The following RBCK1 variants were observed in gnomAD, a reference collection of about 807,000 sequenced individuals.
RBCK1 encodes RANBP2-type and C3HC4-type zinc finger containing 1, also known as ranBP-type and C3HC4-type zinc finger-containing protein 1.
Under a neutral mutation model 71.1 loss-of-function variants are expected in RBCK1, and 44 were observed. That is an observed-to-expected ratio of 0.62 (90% CI 0.49 to 0.80). The LOEUF (loss-of-function observed/expected upper bound fraction) is 0.80. RBCK1 is among the 30% of genes least tolerant of loss of function. The pLI, the probability that RBCK1 is intolerant of heterozygous loss-of-function variation, is 0.00. For synonymous variants in RBCK1, 306 were observed against 279.7 expected (o/e 1.09, Z -0.94); for missense variants, 569 against 685.0 (o/e 0.83, Z 1.89).
intron 8 of RBCK1, among the ~76,000 whole-genome samples, chr20:423,509 A>C (rs2016551011): frequency 1.3e-5 from 2 of 152,210 alleles, no homozygotes; most frequent in South Asian, 4.1e-4. Flanking sequence ...ATTCTTACAA[A>C]AAAAATTACA....
chr20:428,427 C>T lies in RBCK1; in HGVS notation c.1210-64C>T. The T allele has an allele frequency of 8.1e-7, 1 of 1,240,762 alleles. No homozygotes were observed. The highest frequency in any genetic ancestry group is 1.5e-5 in the African/African-American group (1 of 66,086). The allele number at this position is 1,240,762 out of a possible 1,614,324, so 76.9% of individuals were successfully genotyped here. A position where few individuals can be genotyped will look rare whatever the true frequency, so the allele number is the denominator to read the frequency against. On this transcript the variant is annotated intron_variant, in intron 9 of 11. Coordinates refer to ENST00000356286, the MANE Select transcript of RBCK1 (RefSeq NM_031229.4). This position sits in a 1 kb window ranked among gnomAD's most constrained non-coding sequence, Gnocchi z 5.7. ...CTTTGTGGACTCCTGCCCTGCACCT[C>T]ACCTCTCCCAGCTTCTTAACCCCCT... is the stretch of plus-strand genomic sequence containing the variant.
intron 9 of RBCK1, 85 bp downstream of exon 9, chr20:427,577 G>A (rs764307640): frequency 6.8e-7 from 1 of 1,464,430 alleles, no homozygotes; most frequent in Non-Finnish European, 9.4e-7. Context: ...CTCCTGGGAA[G>A]GGAGCTGTGA....
At position 431,378 on chromosome 20, in the gene RBCK1, CA is replaced by C. The variant is rs1319599952; in HGVS notation, c.*950del. Among the ~76,000 whole-genome samples, 1 of 152,142 alleles carries C rather than the reference CA, an allele frequency of 6.6e-6. No homozygotes were observed. The highest frequency in any genetic ancestry group is 2.4e-5 in the African/African-American group (1 of 41,430). ...GTCCATCCTATTTTCTCGTCTCAAG[CA>C]AGATGGCACAGTATCGATTCAGCAG... On this transcript the variant is annotated 3_prime_UTR_variant, in exon 12 of 12. Coordinates refer to ENST00000356286, the MANE Select transcript of RBCK1 (RefSeq NM_031229.4). This position sits in a 1 kb window ranked among gnomAD's most constrained non-coding sequence, Gnocchi z 4.8.
rs766618284 is a variant in RBCK1 at position 427,471 on chromosome 20, C to T, written c.1188C>T (p.His396=). 6.8e-6 allele frequency: 11 copies of T among 1,613,640 alleles called. No homozygotes were observed. Among genetic ancestry groups the T allele is most frequent in the African/African-American group, 1.3e-5 (1 of 75,036 alleles). The change falls in exon 9 of 12, where the codon CAC becomes CAT. Residue 396 remains histidine, a synonymous_variant. Coordinates refer to ENST00000356286, the MANE Select transcript of RBCK1 (RefSeq NM_031229.4). ...VNEFTCPVCF[H]VNCLLCKAIH... The stretch of plus-strand genomic sequence containing the variant: ...AGTTCACCTGCCCTGTGTGTTTCCA[C>T]GTCAACTGCCTGCTCTGCAAGGTGG...
At chr20:427,812 A>G in intron 9 of RBCK1, among the ~76,000 whole-genome samples, 1 of 152,164 alleles carries the variant, frequency 6.6e-6, no homozygotes, top group East Asian at 1.9e-4. Context: ...ATCCAAGTCC[A>G]TAGACTTGGC....
At chr20:409,728 A>G (rs1250464586) in intron 1 of RBCK1, 153 bp from the exon 2 acceptor site, 1 of 1,178,220 alleles carries the variant, frequency 8.5e-7, no homozygotes, top group East Asian at 2.4e-5. Flanking sequence ...GGAGAAAGGG[A>G]CTTTTAGTCT....
In RBCK1 at chr20:430,567, C is replaced by A; in HGVS notation, c.*137C>A. 1.2e-6 allele frequency: 1 copy of A among 818,240 alleles called. No individual in the cohort carries two copies. The highest frequency in any genetic ancestry group is 2.0e-6 in the Non-Finnish European group (1 of 508,322). 50.7% of individuals were successfully genotyped at this position (818,240 alleles called of 1,614,324 possible). ...TGCCTGCACTGCGGTTGTCCACGGT[C>A]ACATCTGCCCCAGTGCCTTTGTCCT... On this transcript the variant is annotated 3_prime_UTR_variant, in exon 12 of 12. Transcript: ENST00000356286. The surrounding 1 kb of genome is among the most constrained non-coding windows in gnomAD (Gnocchi z 5.6).
intron 1 of RBCK1, among the ~76,000 whole-genome samples, chr20:409,403 C>T (rs2122165118): frequency 6.6e-6 from 1 of 152,316 alleles, no homozygotes; most frequent in South Asian, 2.1e-4. Context: ...TTACCCCCTC[C>T]CAGAGGCCTC....
At chr20:424,911 A>G (rs868120955) in intron 8 of RBCK1, among the ~76,000 whole-genome samples, 3 of 152,346 alleles carry the variant, frequency 2.0e-5, no homozygotes, top group African/African-American at 7.2e-5. Context: ...GCCTCACCAC[A>G]TAGAACCAGA....
intron 2 of RBCK1, among the ~76,000 whole-genome samples, chr20:414,778 C>G (rs2015896523): frequency 1.3e-5 from 2 of 152,236 alleles, no homozygotes; most frequent in Admixed American, 6.5e-5. Context: ...TTTCAAAACC[C>G]TTATTGCTGG....
chr20:419,815 G>A (rs1461267274), intron 6 of RBCK1, 84 bp downstream of exon 6: 3 of 1,467,292 alleles, frequency 2.0e-6, no homozygotes, highest in African/African-American at 2.8e-5. Flanking sequence ...GCGCACTGCC[G>A]CGCCTCTCCG....
At chr20:426,603 T>G (rs1427129855) in intron 8 of RBCK1, among the ~76,000 whole-genome samples, 4 of 152,190 alleles carry the variant, frequency 2.6e-5, no homozygotes, top group African/African-American at 7.2e-5. Context: ...GATACTAGTT[T>G]AATCATGTCT....
In RBCK1 at chr20:428,643, G is replaced by C; in HGVS notation, c.1308+54G>C. ...GGATTTTAAGTTCTGGGATCCAGGT[G>C]GGGGCTGGGGGCTTCCCAGTAAGGG... On this transcript the variant is annotated intron_variant, in intron 10 of 11. Transcript: ENST00000356286. This position sits in a 1 kb window ranked among gnomAD's most constrained non-coding sequence, Gnocchi z 5.7. 6.6e-7 allele frequency: 1 copy of C among 1,511,866 alleles called. No individual in the cohort carries two copies. Among genetic ancestry groups the C allele is most frequent in the Non-Finnish European group, 8.9e-7 (1 of 1,122,186 alleles). 93.7% of individuals were successfully genotyped at this position (1,511,866 alleles called of 1,614,324 possible). A position where few individuals can be genotyped will look rare whatever the true frequency, so the allele number is the denominator to read the frequency against.
Position 411,217 on chromosome 20 carries a change from T to C in RBCK1, c.167+1192T>C, listed in dbSNP as rs367871981. On this transcript the variant is annotated intron_variant, in intron 2 of 11. Coordinates refer to ENST00000356286, the MANE Select transcript of RBCK1 (RefSeq NM_031229.4). ...AGCATGTCTAACAACTTCATTCCCC[T>C]TTTTTTTTTTGACATGGGGTCTCTT... 1.2e-3 allele frequency among the ~76,000 whole-genome samples: 170 copies of C among 146,310 alleles called. No homozygotes were observed. The Middle Eastern group carries it at 0.025, about 22-fold the overall frequency.
chr20:429,334 C>A (rs997721246), intron 11 of RBCK1, among the ~76,000 whole-genome samples: 1 of 151,580 alleles, frequency 6.6e-6, no homozygotes, highest in South Asian at 2.1e-4. Context: ...TCAAGCAATT[C>A]TCCTGCCTCA....
At position 425,605 on chromosome 20, in the gene RBCK1, G is replaced by T. The variant is rs544068610; in HGVS notation, c.1030-1708G>T. 1.5e-4 allele frequency among the ~76,000 whole-genome samples: 22 copies of T among 149,714 alleles called. No homozygotes were observed. The South Asian group carries it at 4.0e-3, about 27-fold the overall frequency. ...TCTCAGTTTGTAATACTCCTTCAAGGAATGTTTTGCATGGTGTATTCTTTT... is the reference window on the plus strand; with the variant it reads ...TCTCAGTTTGTAATACTCCTTCAAGTAATGTTTTGCATGGTGTATTCTTTT... On this transcript the variant is annotated intron_variant, in intron 8 of 11. Transcript: ENST00000356286.
In RBCK1 at chr20:417,217, A is replaced by G; in HGVS notation, c.168-309A>G. Reference sequence around the variant, plus strand: ...AACAACAACTTCTGGTGGTTTCACTAAGGAGCAGGGGAGAGAAGACAGAAG... The same window carrying G: ...AACAACAACTTCTGGTGGTTTCACTGAGGAGCAGGGGAGAGAAGACAGAAG... On this transcript the variant is annotated intron_variant, in intron 2 of 11. Transcript: ENST00000356286. This position sits in a 1 kb window ranked among gnomAD's most constrained non-coding sequence, Gnocchi z 4.7. 1 of 579,082 alleles carries G rather than the reference A, an allele frequency of 1.7e-6. No individual in the cohort carries two copies. The highest frequency in any genetic ancestry group is 3.4e-6 in the Non-Finnish European group (1 of 295,374). 35.9% of individuals were successfully genotyped at this position (579,082 alleles called of 1,614,324 possible). A position where few individuals can be genotyped will look rare whatever the true frequency, so the allele number is the denominator to read the frequency against.
chr20:424,191 C>G (rs1445333091), intron 8 of RBCK1, among the ~76,000 whole-genome samples: 1 of 152,208 alleles, frequency 6.6e-6, no homozygotes, highest in African/African-American at 2.4e-5. Flanking sequence ...TGGCGCTCTT[C>G]ATGAATTCGT....
intron 2 of RBCK1, among the ~76,000 whole-genome samples, chr20:411,897 A>G (rs1295780946): frequency 6.6e-6 from 1 of 152,226 alleles, no homozygotes; most frequent in Non-Finnish European, 1.5e-5. Flanking sequence ...GTTGATGGAC[A>G]TTTGGGTGTT....
Sources: gnomAD v4.1 joint callset for allele counts (sites outside exome capture counted in the v4.1 genomes callset) on GRCh38, gnomAD v4.1.1 for gene constraint, Gnocchi (gnomAD v3.1) non-coding constraint, MANE v1.5 for transcripts, NCBI Gene and HGNC (gene_info 2026-07-23, HGNC 2026-07-21) for gene names.